SPIDR: variants seen among roughly 807,000 people sequenced by gnomAD.
SPIDR encodes DNA repair-scaffolding protein.
Under a neutral mutation model 104.6 loss-of-function variants are expected in SPIDR, and 93 were observed. The ratio of observed to expected loss-of-function variants is 0.89; its 90% CI spans 0.75 to 1.06. The LOEUF is 1.06. Among genes scored for constraint, SPIDR ranks in the 50% least tolerant of loss-of-function variants. SPIDR has a pLI of 0.00. For synonymous variants in SPIDR, 431 were observed against 416.9 expected (o/e 1.03, Z -0.41); for missense variants, 1,154 against 1,111.2 (o/e 1.04, Z -0.55).
chr8:47,709,306 A>G (rs989737059), intron 14 of SPIDR, among the ~76,000 whole-genome samples: 2 of 152,134 alleles, frequency 1.3e-5, no homozygotes, highest in Non-Finnish European at 2.9e-5. Flanking sequence ...ACACCAGCTA[A>G]TTTTTGTATT....
At chr8:47,542,213 C>T (rs2088332672) in intron 8 of SPIDR, among the ~76,000 whole-genome samples, 1 of 151,090 alleles carries the variant, frequency 6.6e-6, no homozygotes, top group South Asian at 2.1e-4. Context: ...CCCATGTACA[C>T]CAGAGATTAA....
At chr8:47,365,494 C>T (rs2057019062) in intron 5 of SPIDR, among the ~76,000 whole-genome samples, 3 of 152,172 alleles carry the variant, frequency 2.0e-5, no homozygotes, top group Non-Finnish European at 4.4e-5. Context: ...GGTGTGCAGC[C>T]TTGCATTGCA....
At chr8:47,380,729 G>A (rs1170907840) in intron 5 of SPIDR, among the ~76,000 whole-genome samples, 1 of 152,156 alleles carries the variant, frequency 6.6e-6, no homozygotes, top group Non-Finnish European at 1.5e-5. Context: ...GGCAAGCCAG[G>A]TGGTTTTCAG....
intron 7 of SPIDR, among the ~76,000 whole-genome samples, chr8:47,421,412 G>A: frequency 6.6e-6 from 1 of 152,140 alleles, no homozygotes; most frequent in East Asian, 1.9e-4. Context: ...TGGCCACTGA[G>A]GCTTGTGGGT....
intron 7 of SPIDR, among the ~76,000 whole-genome samples, chr8:47,432,202 C>A (rs1413845240): frequency 6.6e-6 from 1 of 152,042 alleles, no homozygotes; most frequent in Non-Finnish European, 1.5e-5. Context: ...AAAGAAAAAA[C>A]AATATAAACA....
chr8:47,611,630 G>A (rs1032876747), intron 10 of SPIDR, among the ~76,000 whole-genome samples: 14 of 152,010 alleles, frequency 9.2e-5, no homozygotes, highest in Admixed American at 5.2e-4. Flanking sequence ...CCCAGGAGGC[G>A]GAGCTTGCAG....
intron 7 of SPIDR, among the ~76,000 whole-genome samples, chr8:47,411,596 C>T (rs1357189607): frequency 1.3e-5 from 2 of 152,106 alleles, no homozygotes; most frequent in Non-Finnish European, 2.9e-5. Context: ...TTCTCCCATT[C>T]TGTAGGTTGC....
At chr8:47,488,958 C>CTCT in intron 8 of SPIDR, among the ~76,000 whole-genome samples, 1 of 152,294 alleles carries the variant, frequency 6.6e-6, no homozygotes, top group East Asian at 1.9e-4. Context: ...GGGATGCCCT[C>CTCT]TCTCACCACT....
intron 5 of SPIDR, among the ~76,000 whole-genome samples, chr8:47,310,442 C>T (rs1430929200): frequency 4.6e-5 from 7 of 151,312 alleles, no homozygotes; most frequent in African/African-American, 1.2e-4. Context: ...GGGCACATGT[C>T]GGACTACCTT....
chr8:47,331,994 T>C (rs2048815777), intron 5 of SPIDR, among the ~76,000 whole-genome samples: 2 of 87,902 alleles, frequency 2.3e-5, no homozygotes, highest in African/African-American at 1.1e-4. Flanking sequence ...TTTCTCTTTT[T>C]TTTTTTTTTT....
At chr8:47,733,954 G>A (rs906501048) in intron 19 of SPIDR, among the ~76,000 whole-genome samples, 1 of 152,096 alleles carries the variant, frequency 6.6e-6, no homozygotes, top group Non-Finnish European at 1.5e-5. Flanking sequence ...TAGGCACCAC[G>A]CCTGTCTTAC....
At chr8:47,565,210 C>G (rs974661589) in intron 8 of SPIDR, among the ~76,000 whole-genome samples, 4 of 152,172 alleles carry the variant, frequency 2.6e-5, no homozygotes, top group African/African-American at 9.7e-5. Context: ...CACGCCATTG[C>G]ACTCCAGCCT....
chr8:47,524,675 A>G (rs1275235197), intron 8 of SPIDR, among the ~76,000 whole-genome samples: 1 of 152,216 alleles, frequency 6.6e-6, no homozygotes, highest in African/African-American at 2.4e-5. Context: ...GTCTCAAAGC[A>G]TTTTCATATT....
intron 10 of SPIDR, among the ~76,000 whole-genome samples, chr8:47,626,283 C>T (rs547034036): frequency 1.2e-4 from 19 of 152,284 alleles, no homozygotes; most frequent in African/African-American, 4.6e-4. Context: ...ACCATAAAAA[C>T]CCTAGAAGAA....
chr8:47,432,649 C>G (rs1385529049), intron 7 of SPIDR, among the ~76,000 whole-genome samples: 1 of 152,124 alleles, frequency 6.6e-6, no homozygotes. Context: ...GAGTCATGCC[C>G]AGGGAGAAAC....
chr8:47,610,534 TA>T (rs1197744234), intron 10 of SPIDR, among the ~76,000 whole-genome samples: 1 of 152,234 alleles, frequency 6.6e-6, no homozygotes, highest in Non-Finnish European at 1.5e-5. Context: ...TCAAATGACC[TA>T]CTCTGCCCTC....
chr8:47,381,107 G>A (rs1192461532), intron 5 of SPIDR, among the ~76,000 whole-genome samples: 1 of 152,216 alleles, frequency 6.6e-6, no homozygotes, highest in Non-Finnish European at 1.5e-5. Flanking sequence ...GAATTAATGT[G>A]TGTATGTGTG....
chr8:47,727,292 AG>A lies in SPIDR; in HGVS notation c.2435+1del, dbSNP rs1310331164. On this transcript the variant is annotated frameshift_variant and splice_region_variant, in exon 17 of 20. Coordinates refer to ENST00000297423, the MANE Select transcript of SPIDR (RefSeq NM_001080394.4). LOFTEE classifies it high-confidence loss of function. ...NGRLEQRPEDRGAFSCGDCSR... is the reference protein window; with the variant it reads ...NGRLEQRPEDXGAFSCGDCSR... ...GAGATTGGAACAGAGGCCGGAAGAC[AG>A]GTAAGGGGACAGGAGCTGTCCTGAA... 6.2e-7 allele frequency: 1 copy of A among 1,613,918 alleles called. No homozygotes were observed. Among genetic ancestry groups the A allele is most frequent in the Non-Finnish European group, 8.5e-7 (1 of 1,179,868 alleles).
intron 10 of SPIDR, among the ~76,000 whole-genome samples, chr8:47,600,317 C>G (rs2062108983): frequency 6.6e-6 from 1 of 151,996 alleles, no homozygotes; most frequent in African/African-American, 2.4e-5. Context: ...AGTTTGAGAC[C>G]AGCCTGGGCA....
Sources: allele counts gnomAD v4.1 joint callset (sites outside exome capture counted in the v4.1 genomes callset), GRCh38; gene constraint gnomAD v4.1.1; transcripts MANE v1.5; gene names NCBI Gene and HGNC (gene_info 2026-07-23, HGNC 2026-07-21).